Variants in SCPEP1 observed in about 807,000 individuals in gnomAD.
SCPEP1 encodes serine carboxypeptidase 1, also known as retinoid-inducible serine carboxypeptidase.
SCPEP1 carries 51 observed loss-of-function variants against 63.8 expected under a neutral mutation model. The ratio of observed to expected loss-of-function variants is 0.80; its 90% CI spans 0.64 to 1.01. The LOEUF is 1.01. Among genes scored for constraint, SCPEP1 ranks in the 50% least tolerant of loss-of-function variants. The pLI is 0.00. For missense variants in SCPEP1, 499 were observed against 554.9 expected, an observed-to-expected ratio of 0.90 and a Z score of 1.01; for synonymous variants, 204 against 207.8, an observed-to-expected ratio of 0.98 and a Z score of 0.16.
At chr17:56,995,723 C>G (rs1911529460) in intron 8 of SCPEP1, 88 bp downstream of exon 8, 1 of 1,415,042 alleles carries the variant, frequency 7.1e-7, no homozygotes, top group African/African-American at 1.4e-5. Flanking sequence ...AACTTGGAGT[C>G]TACACTGAGG....
At chr17:56,984,975 G>A (rs1405375771) in intron 2 of SCPEP1, 3 of 206,526 alleles carry the variant, frequency 1.5e-5, no homozygotes, top group East Asian at 2.6e-4. Flanking sequence ...ATGGTGGTGT[G>A]CGCCTATAGT....
intron 1 of SCPEP1, 63 bp from the exon 2 acceptor site, chr17:56,981,019 G>A: frequency 1.3e-6 from 2 of 1,581,054 alleles, no homozygotes; most frequent in Non-Finnish European, 1.7e-6. Context: ...GTCTCTACCA[G>A]GCTTGGAATT....
Position 56,981,197 on chromosome 17 carries a change from C to A in SCPEP1, c.192C>A (p.Asn64Lys), listed in dbSNP as rs140119129. ...ATTATGCCACCAACTCCTGCAAGAA[C>A]TTCTCAGAACTGCCCCTGGTCATGT... ...WLYYATNSCK[N>K]FSELPLVMWL... The change falls in exon 2 of 13, where the codon AAC (asparagine) becomes AAA (lysine). Residue 64 changes from asparagine to lysine, a missense_variant. Asn to Lys is a moderately conservative substitution (Grantham distance 94). Transcript: ENST00000262288. 7.1e-4 allele frequency: 1,142 copies of A among 1,614,204 alleles called. 6 individuals are homozygous for A. The East Asian group carries it at 0.011, about 16-fold the overall frequency.
chr17:56,989,760 A>C (rs368292799), intron 5 of SCPEP1, among the ~76,000 whole-genome samples: 3 of 152,208 alleles, frequency 2.0e-5, no homozygotes, highest in East Asian at 3.9e-4. Context: ...CAGCCTAGCC[A>C]ACATGGTGAA....
chr17:57,004,100 G>A (rs2144512453), intron 12 of SCPEP1, among the ~76,000 whole-genome samples: 1 of 152,336 alleles, frequency 6.6e-6, no homozygotes, highest in Non-Finnish European at 1.5e-5. Context: ...TCAGGAGGCT[G>A]AGGCAGGAGA....
At chr17:56,996,528 AT>A (rs894871660) in intron 8 of SCPEP1, among the ~76,000 whole-genome samples, 2 of 145,238 alleles carry the variant, frequency 1.4e-5, no homozygotes, top group Admixed American at 7.0e-5. Flanking sequence ...TTTCTTTTTT[AT>A]TTTTTTTTGA....
intron 5 of SCPEP1, among the ~76,000 whole-genome samples, chr17:56,989,727 G>A (rs750127479): frequency 3.9e-5 from 6 of 152,124 alleles, no homozygotes; most frequent in Non-Finnish European, 7.4e-5. Flanking sequence ...CCGGCAGATC[G>A]CTTGAGGTTA....
intron 12 of SCPEP1, among the ~76,000 whole-genome samples, chr17:57,002,833 C>T (rs888436278): frequency 8.0e-5 from 12 of 150,648 alleles, no homozygotes; most frequent in African/African-American, 2.7e-4. Context: ...CAAGATCATG[C>T]CACTGCACTC....
In SCPEP1 at chr17:56,985,418, AG is replaced by A. The variant is rs748828998; in HGVS notation, c.268del (p.Glu90LysfsTer36). 3.1e-5 allele frequency: 50 copies of A among 1,614,084 alleles called. No individual in the cohort carries two copies. In the East Asian group the frequency reaches 1.1e-3, roughly 36 times the overall value. On this transcript the variant is annotated frameshift_variant, in exon 3 of 13. Coordinates refer to ENST00000262288, the MANE Select transcript of SCPEP1 (RefSeq NM_021626.3). LOFTEE classifies it high-confidence loss of function. ...TCTAGCACTGGATTTGGAAACTTTG[AG>A]GAAATTGGGCCCCTTGACAGTGATC... ...GGSSTGFGNF[E>X]EIGPLDSDLK...
intron 2 of SCPEP1, 126 bp downstream of exon 2, chr17:56,981,356 G>C (rs560189617): frequency 1.0e-6 from 1 of 993,224 alleles, no homozygotes; most frequent in African/African-American, 1.6e-5. Context: ...TGACCTGGGG[G>C]TTCGGCGTGC....
At chr17:56,981,509 A>G (rs1051093507) in intron 2 of SCPEP1, among the ~76,000 whole-genome samples, 1 of 152,166 alleles carries the variant, frequency 6.6e-6, no homozygotes, top group Admixed American at 6.5e-5. Flanking sequence ...ACATTTGAAT[A>G]CATAGTGATA....
At position 56,990,691 on chromosome 17, in the gene SCPEP1, G is replaced by A. The variant is rs939166931; in HGVS notation, c.547-408G>A. ...TGCCCAGACTAGAGGCTGGAGTACA[G>A]TAGCATGATCATGGCTCACTCCAGC... On this transcript the variant is annotated intron_variant, in intron 5 of 12. Coordinates refer to ENST00000262288, the MANE Select transcript of SCPEP1 (RefSeq NM_021626.3). Among the ~76,000 whole-genome samples the A allele has an allele frequency of 9.2e-5, 14 of 151,676 alleles. 1 individual carries two copies. The highest frequency in any genetic ancestry group is 3.4e-4 in the African/African-American group (14 of 41,232).
chr17:56,987,280 T>A (rs1327714719), intron 3 of SCPEP1: 1 of 156,988 alleles, frequency 6.4e-6, no homozygotes, highest in Admixed American at 6.4e-5. Flanking sequence ...TTTGATGCAT[T>A]TCCAAGAAAA....
At chr17:57,004,011 T>C (rs1186133205) in intron 12 of SCPEP1, among the ~76,000 whole-genome samples, 1 of 152,090 alleles carries the variant, frequency 6.6e-6, no homozygotes, top group African/African-American at 2.4e-5. Flanking sequence ...CCAGCTTGGC[T>C]AACATGGAGA....
At chr17:56,993,669 A>G (rs1766560394) in intron 6 of SCPEP1, among the ~76,000 whole-genome samples, 1 of 151,884 alleles carries the variant, frequency 6.6e-6, no homozygotes, top group Admixed American at 6.6e-5. Context: ...CTGGTCTCCA[A>G]CTCCTGACCT....
intron 9 of SCPEP1, 67 bp from the exon 10 acceptor site, chr17:56,998,318 A>AC: frequency 2.6e-6 from 3 of 1,155,128 alleles, no homozygotes; most frequent in Non-Finnish European, 3.8e-6. Flanking sequence ...TCAAAAAAAA[A>AC]AAAAAAAGAT....
chr17:56,991,392 C>G (rs1567866450), intron 6 of SCPEP1, among the ~76,000 whole-genome samples: 1 of 152,144 alleles, frequency 6.6e-6, no homozygotes, highest in Non-Finnish European at 1.5e-5. Flanking sequence ...ACAAAAGGAT[C>G]AAATTTTACA....
intron 6 of SCPEP1, among the ~76,000 whole-genome samples, chr17:56,992,997 A>G (rs2054455543): frequency 6.6e-6 from 1 of 152,160 alleles, no homozygotes; most frequent in African/African-American, 2.4e-5. Context: ...CCTCTATCCC[A>G]GAAACATTGG....
chr17:56,988,220 T>C lies in SCPEP1; in HGVS notation c.476T>C (p.Val159Ala). 6.2e-7 allele frequency: 1 copy of C among 1,609,692 alleles called. No homozygotes were observed. The highest frequency in any genetic ancestry group is 8.5e-7 in the Non-Finnish European group (1 of 1,176,486). Residue 159 changes from valine to alanine, a missense_variant, in exon 5 of 13, where the codon GTT becomes GCT. By Grantham distance (64) the Val-to-Ala change is moderately conservative. Transcript: ENST00000262288. ...TGTAATTCCTTTTCTTGCTAGACAG[T>C]TCCATTCTACATTTTCTCAGAGTCC... is the stretch of plus-strand genomic sequence containing the variant. Reference protein sequence around the residue: ...FFSCHKEFQTVPFYIFSESYG... With the variant: ...FFSCHKEFQTAPFYIFSESYG...
Sources: allele counts gnomAD v4.1 joint callset (sites outside exome capture counted in the v4.1 genomes callset), GRCh38; gene constraint gnomAD v4.1.1; transcripts MANE v1.5; gene names NCBI Gene and HGNC (gene_info 2026-07-23, HGNC 2026-07-21).